Variants in ATP7B observed in about 807,000 individuals in gnomAD.
The protein encoded by ATP7B is ATPase copper transporting beta, also known as copper-transporting ATPase 2.
ATP7B carries 113 observed loss-of-function variants against 118.9 expected under a neutral mutation model. The ratio of observed to expected loss-of-function variants is 0.95; its 90% CI spans 0.82 to 1.11. ATP7B has a LOEUF of 1.11. Ranked by LOEUF, ATP7B falls within the 50% of genes most tolerant of loss-of-function variation. The pLI, the probability that ATP7B is intolerant of heterozygous loss-of-function variation, is 0.00. For synonymous variants in ATP7B, 777 were observed against 727.4 expected (o/e 1.07, Z -1.10); for missense variants, 1,867 against 1,871.4 (o/e 1.00, Z 0.04).
intron 1 of ATP7B, among the ~76,000 whole-genome samples, chr13:51,982,227 T>C (rs907675406): frequency 1.3e-5 from 2 of 152,226 alleles, no homozygotes; most frequent in Non-Finnish European, 2.9e-5. Context: ...GATGACACTT[T>C]TGTAAATTGC....
At position 52,011,293 on chromosome 13, in the gene ATP7B, A is replaced by C. The variant is rs761353425; in HGVS notation, c.45T>G (p.Ser15Arg). The change falls in exon 1 of 21, where the codon AGT (serine) becomes AGG (arginine). Residue 15 changes from serine (S) to arginine (R), a missense_variant. Coordinates refer to ENST00000242839, the MANE Select transcript of ATP7B (RefSeq NM_000053.4). ...ERQITAREGA[S>R]RKILSKLSLP... ...GCGGGGGAACAAAACTCACTTTCCG[A>C]CTGGCCCCTTCTCTGGCTGTGATCT... 1.2e-6 allele frequency: 2 copies of C among 1,614,154 alleles called. No homozygotes were observed. Among genetic ancestry groups the C allele is most frequent in the African/African-American group, 2.7e-5 (2 of 75,034 alleles).
intron 4 of ATP7B, chr13:51,967,133 A>G: frequency 3.8e-6 from 6 of 1,590,026 alleles, no homozygotes; most frequent in Non-Finnish European, 5.1e-6. Context: ...ACTCGGATCT[A>G]TGAAAAAGTA....
rs1209223315 is a variant in ATP7B, at chr13:51,934,806, C to T, written c.4348G>A (p.Asp1450Asn). ...RHSAAADDDG[D>N]KWSLLLNGRD... The stretch of plus-strand genomic sequence containing the variant: ...CCATTCAGGAGCAGAGACCACTTGT[C>T]CCCATCATCGTCTGCTGCAGCGCTG... Residue 1450 changes from aspartate (D) to asparagine (N), a missense_variant, in exon 21 of 21, where the codon GAC becomes AAC. Coordinates refer to ENST00000242839, the MANE Select transcript of ATP7B (RefSeq NM_000053.4). The T allele has an allele frequency of 6.2e-7, 1 of 1,614,134 alleles. No homozygotes were observed. The highest frequency in any genetic ancestry group is 8.5e-7 in the Non-Finnish European group (1 of 1,180,044).
intron 1 of ATP7B, 69 bp from the exon 2 acceptor site, chr13:51,975,237 T>G: frequency 6.4e-7 from 1 of 1,572,362 alleles, no homozygotes; most frequent in Non-Finnish European, 8.7e-7. Context: ...CCAGCTTCTC[T>G]GGCACTGAGA....
intron 1 of ATP7B, among the ~76,000 whole-genome samples, chr13:51,976,503 C>T (rs1952126095): frequency 6.6e-6 from 1 of 152,166 alleles, no homozygotes; most frequent in African/African-American, 2.4e-5. Context: ...GACAGCAGTT[C>T]AAAAGATATT....
At position 51,942,540 on chromosome 13, in the gene ATP7B, C is replaced by T; in HGVS notation, c.3258G>A (p.Glu1086=). ...GGAAGTCCGTGCAGTATCCCAAGGTCTCTGTTCCAAGTTCCTGGGAAGGTG... is the reference window on the plus strand; with the variant it reads ...GGAAGTCCGTGCAGTATCCCAAGGTTTCTGTTCCAAGTTCCTGGGAAGGTG... ...TKYCKEELGT[E]TLGYCTDFQA... Residue 1086 remains glutamate, a synonymous_variant, in exon 15 of 21, where the codon GAG becomes GAA. Coordinates refer to ENST00000242839, the MANE Select transcript of ATP7B (RefSeq NM_000053.4). 1 of 1,614,078 alleles carries T rather than the reference C, an allele frequency of 6.2e-7. No homozygotes were observed.
chr13:51,982,829 T>C (rs1021341556), intron 1 of ATP7B, among the ~76,000 whole-genome samples: 9 of 152,196 alleles, frequency 5.9e-5, no homozygotes, highest in African/African-American at 1.9e-4. Context: ...CCTCCTCCAC[T>C]AGCCAAGGGA....
intron 1 of ATP7B, among the ~76,000 whole-genome samples, chr13:51,977,057 GGA>G (rs1269016658): frequency 2.6e-5 from 4 of 152,210 alleles, no homozygotes; most frequent in African/African-American, 9.6e-5. Flanking sequence ...CAATGCTTTG[GGA>G]GGCCGAGGCA....
intron 1 of ATP7B, among the ~76,000 whole-genome samples, chr13:52,007,390 G>A (rs1274969180): frequency 6.6e-6 from 1 of 152,146 alleles, no homozygotes; most frequent in Non-Finnish European, 1.5e-5. Context: ...GTCTGGCTCA[G>A]TTTCCCCATC....
At chr13:51,942,295 C>T in intron 15 of ATP7B, 91 bp downstream of exon 15, 3 of 1,588,032 alleles carry the variant, frequency 1.9e-6, no homozygotes, top group Non-Finnish European at 2.6e-6. Flanking sequence ...GTCTGCCGCA[C>T]AGCAGAGGCA....
At chr13:51,949,213 A>C (rs1957842153) in intron 12 of ATP7B, among the ~76,000 whole-genome samples, 1 of 152,134 alleles carries the variant, frequency 6.6e-6, no homozygotes, top group Non-Finnish European at 1.5e-5. Context: ...CAAACATAAA[A>C]AGCTATTTAC....
Position 51,934,710 on chromosome 13 carries a change from G to A in ATP7B, c.*46C>T, listed in dbSNP as rs1369428543. The A allele has an allele frequency of 6.2e-7, 1 of 1,608,618 alleles. No individual in the cohort carries two copies. The highest frequency in any genetic ancestry group is 1.3e-5 in the African/African-American group (1 of 74,884). ...CTGCTGGCTGTCCTGCTCAGCTTGTGGTGAGTGGAGGCAAGTCCCTGCCCC... is the reference window on the plus strand; with the variant it reads ...CTGCTGGCTGTCCTGCTCAGCTTGTAGTGAGTGGAGGCAAGTCCCTGCCCC... On this transcript the variant is annotated 3_prime_UTR_variant, in exon 21 of 21. Transcript: ENST00000242839.
chr13:51,945,475 G>A (rs1292336891), intron 13 of ATP7B, among the ~76,000 whole-genome samples: 4 of 152,126 alleles, frequency 2.6e-5, no homozygotes, highest in East Asian at 1.9e-4. Context: ...CCCCAGCTCC[G>A]TTGTCCAGCT....
chr13:52,005,672 A>G (rs1260298596), intron 1 of ATP7B, among the ~76,000 whole-genome samples: 1 of 152,166 alleles, frequency 6.6e-6, no homozygotes, highest in Non-Finnish European at 1.5e-5. Context: ...GTTTATCACT[A>G]TCTAGGCTTT....
intron 1 of ATP7B, among the ~76,000 whole-genome samples, chr13:52,001,068 A>T (rs1223527667): frequency 6.6e-6 from 1 of 152,176 alleles, no homozygotes; most frequent in Non-Finnish European, 1.5e-5. Context: ...AAAAAGAATC[A>T]TCTTCTTTCA....
chr13:51,937,622 G>A lies in ATP7B; in HGVS notation c.3757C>T (p.Gln1253Ter). Residue 1253 changes from glutamine (Q) to a stop codon, truncating the protein, a stop_gained, in exon 18 of 21, where the codon CAG becomes TAG. Transcript: ENST00000242839. LOFTEE classifies it high-confidence loss of function. Reference sequence around the variant, plus strand: ...TTCTTCCCTTTATTCTGGAGCTCCTGGACCTTGGCCACCTTGTGCGAAGGC... The same window carrying A: ...TTCTTCCCTTTATTCTGGAGCTCCTAGACCTTGGCCACCTTGTGCGAAGGC... Reference protein sequence around the residue: ...VLPSHKVAKVQELQNKGKKVA... With the variant: ...VLPSHKVAKV 1.2e-6 allele frequency: 2 copies of A among 1,614,266 alleles called. No homozygotes were observed. Among genetic ancestry groups the A allele is most frequent in the Non-Finnish European group, 1.7e-6 (2 of 1,180,054 alleles).
chr13:51,944,483 T>C (rs1239387250), intron 13 of ATP7B, among the ~76,000 whole-genome samples, 192 bp from the exon 14 acceptor site: 1 of 152,180 alleles, frequency 6.6e-6, no homozygotes, highest in African/African-American at 2.4e-5. Flanking sequence ...TGTTTCCCTA[T>C]GTGTCCAGTC....
intron 1 of ATP7B, among the ~76,000 whole-genome samples, chr13:51,982,932 C>A (rs1952488688): frequency 6.6e-6 from 1 of 152,198 alleles, no homozygotes; most frequent in Non-Finnish European, 1.5e-5. Context: ...CCAGGAGATT[C>A]CCTCGGGTGC....
At chr13:51,976,472 G>A (rs1231155650) in intron 1 of ATP7B, among the ~76,000 whole-genome samples, 3 of 152,170 alleles carry the variant, frequency 2.0e-5, no homozygotes, top group African/African-American at 7.2e-5. Context: ...AGAAAAAAGG[G>A]AATAATTAAG....
Sources: allele counts gnomAD v4.1 joint callset (sites outside exome capture counted in the v4.1 genomes callset), GRCh38; gene constraint gnomAD v4.1.1; transcripts MANE v1.5; gene names NCBI Gene and HGNC (gene_info 2026-07-23, HGNC 2026-07-21).